Variants in PKP1 observed in about 807,000 individuals in gnomAD.
The protein encoded by PKP1 is plakophilin 1.
PKP1 carries 27 observed loss-of-function variants against 76.4 expected under a neutral mutation model. The observed-to-expected ratio is 0.35, with a 90% CI of 0.26 to 0.49. The LOEUF is 0.49. Ranked by LOEUF, PKP1 falls within the 20% of genes least tolerant of loss-of-function variation. PKP1 has a pLI of 0.99. For synonymous variants in PKP1, 404 were observed against 384.2 expected, an observed-to-expected ratio of 1.05 and a Z score of -0.60; for missense variants, 964 against 955.2, an observed-to-expected ratio of 1.01 and a Z score of -0.12.
intron 2 of PKP1, among the ~76,000 whole-genome samples, chr1:201,296,359 G>A (rs1006267675): frequency 2.6e-5 from 4 of 152,218 alleles, no homozygotes; most frequent in African/African-American, 4.8e-5. Flanking sequence ...TCCTATGTCC[G>A]TGGGATTTTC....
At chr1:201,306,091 G>T (rs1772835) in intron 2 of PKP1, among the ~76,000 whole-genome samples, 135,808 of 152,298 alleles carry the variant, frequency 0.89, 61,070 homozygotes, top group East Asian at 1. Flanking sequence ...GAAACAGACA[G>T]GTCTGTGTAT....
intron 1 of PKP1, among the ~76,000 whole-genome samples, chr1:201,292,039 A>T (rs1655928685): frequency 6.6e-6 from 1 of 152,244 alleles, no homozygotes; most frequent in South Asian, 2.1e-4. Context: ...CACATGGCAG[A>T]GTCCCAGGAT....
chr1:201,284,242 T>A (rs1655659724), intron 1 of PKP1, among the ~76,000 whole-genome samples: 1 of 151,946 alleles, frequency 6.6e-6, no homozygotes, highest in Admixed American at 6.6e-5. Context: ...GAGCCCTGGG[T>A]CTGGACGGCT....
At position 201,304,983 on chromosome 1, in the gene PKP1, C is replaced by A. The variant is rs1276259232; in HGVS notation, c.307-8183C>A. On this transcript the variant is annotated intron_variant, in intron 2 of 13. Coordinates refer to ENST00000367324, the MANE Select transcript of PKP1 (RefSeq NM_001005337.3). ...GATGAACGGGGAAGCCCTCTGCACACTGGGAAGTGCCACACCAGTGATGGT... is the reference window on the plus strand; with the variant it reads ...GATGAACGGGGAAGCCCTCTGCACAATGGGAAGTGCCACACCAGTGATGGT... 3.9e-5 allele frequency among the ~76,000 whole-genome samples: 6 copies of A among 152,226 alleles called. 1 individual carries two copies. Among genetic ancestry groups the A allele is most frequent in the Admixed American group, 3.9e-4 (6 of 15,286 alleles).
At chr1:201,303,873 C>A (rs766753653) in intron 2 of PKP1, among the ~76,000 whole-genome samples, 5 of 152,174 alleles carry the variant, frequency 3.3e-5, no homozygotes, top group Non-Finnish European at 7.3e-5. Flanking sequence ...CCAAAGCAGG[C>A]AAGGTAGGAG....
At chr1:201,317,520 A>T in intron 4 of PKP1, 52 bp from the exon 5 acceptor site, 2 of 1,461,710 alleles carry the variant, frequency 1.4e-6, no homozygotes, top group Non-Finnish European at 1.9e-6. Flanking sequence ...GAGAATAACT[A>T]GATCAGCCTC....
rs927723295 is a variant in PKP1 at position 201,320,489 on chromosome 1, G to A, written c.1347+108G>A. The A allele has an allele frequency of 5.3e-6, 4 of 757,446 alleles. No homozygotes were observed. The Admixed American group carries it at 7.9e-5, about 15-fold the overall frequency. The allele number at this position is 757,446 out of a possible 1,614,324, so 46.9% of individuals were successfully genotyped here. On this transcript the variant is annotated intron_variant, in intron 7 of 13. Transcript: ENST00000367324. ...ACAAGACAGGAGCACAGACTCAGGG[G>A]TGGTAGAAGAGGCATCTGGATGCAG...
At chr1:201,317,494 A>C in intron 4 of PKP1, 78 bp from the exon 5 acceptor site, 1 of 1,300,974 alleles carries the variant, frequency 7.7e-7, no homozygotes, top group Non-Finnish European at 1.1e-6. Flanking sequence ...CTGAAAAAAA[A>C]AATCACCTTT....
chr1:201,297,063 C>T (rs700471), intron 2 of PKP1, among the ~76,000 whole-genome samples: 4,286 of 152,210 alleles, frequency 0.028, 197 homozygotes, highest in African/African-American at 0.098. Flanking sequence ...ACCTTATAGT[C>T]TATATCAATA....
chr1:201,328,762 C>A lies in PKP1; in HGVS notation c.2107C>A (p.Gln703Lys), dbSNP rs753430088. Residue 703 changes from glutamine (Q) to lysine (K), a missense_variant and splice_region_variant, in exon 13 of 14, where the codon CAA (glutamine) becomes AAA (lysine). Coordinates refer to ENST00000367324, the MANE Select transcript of PKP1 (RefSeq NM_001005337.3). ...TTGGTTGCTGTTTCTCCCTTTGCAG[C>A]AAGGTTTCGATAGGAACATGCTGGG... Reference protein sequence around the residue: ...SKELQGVLRQQGFDRNMLGTL... With the variant: ...SKELQGVLRQKGFDRNMLGTL... The A allele has an allele frequency of 1.9e-5, 31 of 1,613,890 alleles. No homozygotes were observed. The highest frequency in any genetic ancestry group is 2.5e-5 in the Non-Finnish European group (30 of 1,179,886).
chr1:201,317,850 G>A (rs1656810730), intron 5 of PKP1, 71 bp downstream of exon 5: 1 of 1,416,880 alleles, frequency 7.1e-7, no homozygotes, highest in African/African-American at 1.4e-5. Flanking sequence ...CCCAGGCTGG[G>A]GTGCAAGCCT....
chr1:201,288,830 AAAG>A (rs1655815067), intron 1 of PKP1, among the ~76,000 whole-genome samples: 1 of 152,124 alleles, frequency 6.6e-6, no homozygotes. Flanking sequence ...AGATCTGCTG[AAAG>A]AGCAGCAGGA....
At chr1:201,285,874 G>T (rs1048487626) in intron 1 of PKP1, among the ~76,000 whole-genome samples, 2 of 152,216 alleles carry the variant, frequency 1.3e-5, no homozygotes, top group Non-Finnish European at 2.9e-5. Context: ...GGGCTTCACT[G>T]GGGGAGGGTT....
At chr1:201,316,121 T>TGGACGGACGGACGGATGGAAGGAC (rs1440675082) in intron 3 of PKP1, 1 of 136,102 alleles carries the variant, frequency 7.3e-6, no homozygotes, top group Non-Finnish European at 1.6e-5. Context: ...GATGGACGGA[T>TGGACGGACGGACGGATGGAAGGAC]GGACGGACGG....
In PKP1 at chr1:201,313,339, C is replaced by T; in HGVS notation, c.480C>T (p.Tyr160=). ...IKASRSEPDL[Y]CDPRGTLRKG... is the part of the protein sequence containing the mutation. ...CGAGCCGCAGTGAGCCCGACCTCTA[C>T]TGTGACCCACGGGGCACCCTGCGCA... is the stretch of plus-strand genomic sequence containing the variant. The change falls in exon 3 of 14, where the codon TAC becomes TAT. Residue 160 remains tyrosine (Y), a synonymous_variant. Coordinates refer to ENST00000367324, the MANE Select transcript of PKP1 (RefSeq NM_001005337.3). 2 of 1,589,506 alleles carry T rather than the reference C, an allele frequency of 1.3e-6. No homozygotes were observed. Among genetic ancestry groups the T allele is most frequent in the Non-Finnish European group, 1.7e-6 (2 of 1,167,724 alleles).
At chr1:201,297,946 A>G (rs2268156) in intron 2 of PKP1, among the ~76,000 whole-genome samples, 75,007 of 152,084 alleles carry the variant, frequency 0.49, 22,418 homozygotes, top group East Asian at 0.73. Flanking sequence ...AACAAAATAC[A>G]ATAATTGAGA....
chr1:201,289,477 A>G (rs1655837718), intron 1 of PKP1, among the ~76,000 whole-genome samples: 1 of 152,118 alleles, frequency 6.6e-6, no homozygotes, highest in Non-Finnish European at 1.5e-5. Flanking sequence ...GTGACGAAGG[A>G]GAAGGATTTG....
At chr1:201,287,993 C>A (rs545699465) in intron 1 of PKP1, among the ~76,000 whole-genome samples, 16 of 152,152 alleles carry the variant, frequency 1.1e-4, no homozygotes, top group Admixed American at 2.6e-4. Flanking sequence ...ATACACAATA[C>A]ACCCCACACA....
chr1:201,321,952 G>A (rs1184802016), intron 7 of PKP1, 26 bp from the exon 8 acceptor site: 7 of 1,613,630 alleles, frequency 4.3e-6, no homozygotes, highest in African/African-American at 1.3e-5. Context: ...CAGAGGCTCA[G>A]GCCCATGCCT....
Sources: gnomAD v4.1 joint callset for allele counts (sites outside exome capture counted in the v4.1 genomes callset) on GRCh38, gnomAD v4.1.1 for gene constraint, MANE v1.5 for transcripts, NCBI Gene and HGNC (gene_info 2026-07-23, HGNC 2026-07-21) for gene names.